The following TSHZ2 variants were observed in gnomAD, a reference collection of about 807,000 sequenced individuals.
TSHZ2 encodes teashirt homolog 2.
Under a neutral mutation model 74.4 loss-of-function variants are expected in TSHZ2, and 21 were observed. The ratio of observed to expected loss-of-function variants is 0.28; its 90% CI spans 0.20 to 0.41. The LOEUF is 0.41. TSHZ2 is among the 10% of genes least tolerant of loss of function. TSHZ2 has a pLI of 1.00. For synonymous variants in TSHZ2, 540 were observed against 515.3 expected (o/e 1.05, Z -0.65); for missense variants, 1,244 against 1,293.5 (o/e 0.96, Z 0.59).
intron 2 of TSHZ2, among the ~76,000 whole-genome samples, chr20:53,340,525 G>T (rs767651499): frequency 6.6e-6 from 1 of 152,140 alleles, no homozygotes; most frequent in African/African-American, 2.4e-5. Context: ...TGCACAATGT[G>T]CAATGAGCCC....
At chr20:53,316,979 T>C (rs1308322258) in intron 2 of TSHZ2, among the ~76,000 whole-genome samples, 1 of 152,234 alleles carries the variant, frequency 6.6e-6, no homozygotes, top group Admixed American at 6.5e-5. Context: ...TTCAGTGTTT[T>C]GGCTTAATGC....
At chr20:53,265,466 A>G (rs1045619188) in intron 2 of TSHZ2, among the ~76,000 whole-genome samples, 1 of 152,092 alleles carries the variant, frequency 6.6e-6, no homozygotes, top group Non-Finnish European at 1.5e-5. Context: ...TGCCAGGTAC[A>G]ACACAGGGGA....
chr20:53,464,405 A>C (rs1266493429), intron 2 of TSHZ2, among the ~76,000 whole-genome samples: 1 of 152,172 alleles, frequency 6.6e-6, no homozygotes, highest in Non-Finnish European at 1.5e-5. Flanking sequence ...TGGAGTTGTG[A>C]GAAGGGCCCT....
At chr20:53,325,420 C>T (rs1484341541) in intron 2 of TSHZ2, among the ~76,000 whole-genome samples, 1 of 152,188 alleles carries the variant, frequency 6.6e-6, no homozygotes, top group African/African-American at 2.4e-5. Flanking sequence ...GAAGAAGCTG[C>T]ATGTGTGGAC....
chr20:53,264,428 A>G (rs1282836628), intron 2 of TSHZ2, among the ~76,000 whole-genome samples: 1 of 152,220 alleles, frequency 6.6e-6, no homozygotes, highest in African/African-American at 2.4e-5. Flanking sequence ...TGTATATGGA[A>G]CAGACAATGT....
chr20:53,303,128 C>T (rs751045648), intron 2 of TSHZ2, among the ~76,000 whole-genome samples: 4 of 152,208 alleles, frequency 2.6e-5, no homozygotes, highest in Non-Finnish European at 5.9e-5. Flanking sequence ...TCTCTCAGTA[C>T]ACACAGGCAA....
chr20:53,406,976 C>G (rs779747189), intron 2 of TSHZ2, among the ~76,000 whole-genome samples: 7 of 152,194 alleles, frequency 4.6e-5, no homozygotes, highest in Non-Finnish European at 7.3e-5. Flanking sequence ...CAACCCCAAA[C>G]TCAGCCCCAC....
At chr20:53,373,174 C>T (rs184134730) in intron 2 of TSHZ2, among the ~76,000 whole-genome samples, 11 of 152,282 alleles carry the variant, frequency 7.2e-5, no homozygotes, top group South Asian at 2.1e-4. Flanking sequence ...TAGATAATGA[C>T]GCAATTAGAG....
At chr20:53,483,035 A>G (rs561321387) in intron 2 of TSHZ2, among the ~76,000 whole-genome samples, 6 of 152,240 alleles carry the variant, frequency 3.9e-5, no homozygotes, top group Admixed American at 1.3e-4. Context: ...CCAAAAGCCC[A>G]CCAGTTCCAT....
chr20:53,192,315 AC>A (rs1272767248), intron 1 of TSHZ2, among the ~76,000 whole-genome samples: 2 of 152,056 alleles, frequency 1.3e-5, no homozygotes, highest in African/African-American at 2.4e-5. Context: ...AAACAAAAAA[AC>A]AACTTTGCTT....
At position 53,494,495 on chromosome 20, in the gene TSHZ2, G is replaced by T. The variant is rs1232994097; in HGVS notation, c.*7360G>T. 6.6e-6 allele frequency: 1 copy of T among 152,060 alleles called. No homozygotes were observed. The highest frequency in any genetic ancestry group is 1.5e-5 in the Non-Finnish European group (1 of 68,016). 9.4% of individuals were successfully genotyped at this position (152,060 alleles called of 1,614,324 possible). A position where few individuals can be genotyped will look rare whatever the true frequency, so the allele number is the denominator to read the frequency against. ...CACTTAAGATGTATGCCTGTGTGTG[G>T]TGCCGCAGCATTGAAATTATCTGTA... On this transcript the variant is annotated 3_prime_UTR_variant, in exon 3 of 3. Transcript: ENST00000371497.
intron 2 of TSHZ2, among the ~76,000 whole-genome samples, chr20:53,364,309 G>A (rs1486571966): frequency 6.6e-6 from 1 of 152,158 alleles, no homozygotes. Context: ...CCTGCCCGGA[G>A]AGCTGCTAGC....
intron 2 of TSHZ2, among the ~76,000 whole-genome samples, chr20:53,435,566 T>A (rs192786657): frequency 1.3e-5 from 2 of 152,302 alleles, no homozygotes; most frequent in Non-Finnish European, 2.9e-5. Context: ...CAGGCTGGAG[T>A]GCAGTGGCGC....
chr20:53,190,544 G>C, intron 1 of TSHZ2, among the ~76,000 whole-genome samples: 1 of 151,998 alleles, frequency 6.6e-6, no homozygotes, highest in East Asian at 1.9e-4. Flanking sequence ...ATTCCAAACT[G>C]TCGAGACCTT....
At chr20:53,422,095 G>A (rs1196692936) in intron 2 of TSHZ2, among the ~76,000 whole-genome samples, 3 of 152,058 alleles carry the variant, frequency 2.0e-5, no homozygotes, top group African/African-American at 7.2e-5. Flanking sequence ...CAGTTCGTTG[G>A]GTTTCGTATT....
At position 53,047,018 on chromosome 20, in the gene TSHZ2, C is replaced by T. The variant is rs185789743; in HGVS notation, c.40+73685C>T. Among the ~76,000 whole-genome samples the T allele has an allele frequency of 1.8e-4, 27 of 152,180 alleles. No homozygotes were observed. The East Asian group carries it at 4.1e-3, about 23-fold the overall frequency. On this transcript the variant is annotated intron_variant, in intron 1 of 2. Coordinates refer to ENST00000371497, the MANE Select transcript of TSHZ2 (RefSeq NM_173485.6). Reference sequence around the variant, plus strand: ...TGAAGGTGCTGGAAAGAGACAGAGGCGTAAGGGATCCTGCATGCCTCATAT... The same window carrying T: ...TGAAGGTGCTGGAAAGAGACAGAGGTGTAAGGGATCCTGCATGCCTCATAT...
intron 1 of TSHZ2, among the ~76,000 whole-genome samples, chr20:53,096,227 T>C (rs1986041314): frequency 6.6e-6 from 1 of 152,208 alleles, no homozygotes; most frequent in African/African-American, 2.4e-5. Context: ...CTGCAACCTC[T>C]GCCTCTTGGA....
At chr20:52,974,031 A>G (rs546485670) in intron 1 of TSHZ2, among the ~76,000 whole-genome samples, 3 of 152,352 alleles carry the variant, frequency 2.0e-5, no homozygotes, top group Admixed American at 2.0e-4. Context: ...AACTTTGTGA[A>G]ATGATTCGTA....
Position 53,480,184 on chromosome 20 carries a change from C to T in TSHZ2, c.*9-6960C>T, listed in dbSNP as rs1453346840. Among the ~76,000 whole-genome samples, 6 of 151,630 alleles carry T rather than the reference C, an allele frequency of 4.0e-5. No homozygotes were observed. The East Asian group carries it at 1.2e-3, about 29-fold the overall frequency. On this transcript the variant is annotated intron_variant, in intron 2 of 2. Coordinates refer to ENST00000371497, the MANE Select transcript of TSHZ2 (RefSeq NM_173485.6). The stretch of plus-strand genomic sequence containing the variant: ...GCTGGGTTCAAATGATTCTCCTGCC[C>T]CAGCCTCCTGAGTAGCTGGGATTAC...
Sources: gnomAD v4.1 joint callset for allele counts (sites outside exome capture counted in the v4.1 genomes callset) on GRCh38, gnomAD v4.1.1 for gene constraint, MANE v1.5 for transcripts, NCBI Gene and HGNC (gene_info 2026-07-23, HGNC 2026-07-21) for gene names.